The following ARFGEF3 variants were observed in gnomAD, a reference collection of about 807,000 sequenced individuals.
ARFGEF3 encodes the protein ARFGEF family member 3.
A neutral mutation model predicts 221.7 loss-of-function variants in ARFGEF3; 96 were observed. The observed-to-expected ratio is 0.43, with a 90% CI of 0.37 to 0.51. The LOEUF (loss-of-function observed/expected upper bound fraction) is 0.51, where lower values mean the gene tolerates loss of function less well. Among genes scored for constraint, ARFGEF3 ranks in the 20% least tolerant of loss-of-function variants. The pLI is 0.00. For synonymous variants in ARFGEF3, 1,145 were observed against 1,126.8 expected (o/e 1.02, Z -0.32); for missense variants, 2,410 against 2,789.9 (o/e 0.86, Z 3.07).
In ARFGEF3 at chr6:138,201,144, G is replaced by A. The variant is rs562755774; in HGVS notation, c.138-5898G>A. On this transcript the variant is annotated intron_variant, in intron 2 of 33. Coordinates refer to ENST00000251691, the MANE Select transcript of ARFGEF3 (RefSeq NM_020340.5). ...ATACCACCTTACTCCTGCAAGAATG[G>A]CCATAATCAAAAAATTTTAAAAAGT... Among the ~76,000 whole-genome samples the A allele has an allele frequency of 6.6e-5, 10 of 152,252 alleles. No homozygotes were observed. The South Asian group carries it at 2.1e-3, about 32-fold the overall frequency.
At chr6:138,163,925 G>A (rs1776669149) in intron 1 of ARFGEF3, among the ~76,000 whole-genome samples, 1 of 152,240 alleles carries the variant, frequency 6.6e-6, no homozygotes, top group African/African-American at 2.4e-5. Context: ...TGGATTGGGG[G>A]AGAATTGGTG....
chr6:138,171,454 C>A (rs1478938046), intron 2 of ARFGEF3, among the ~76,000 whole-genome samples: 1 of 152,178 alleles, frequency 6.6e-6, no homozygotes, highest in Non-Finnish European at 1.5e-5. Flanking sequence ...GATTGGCAAC[C>A]CTGGCTGGAC....
intron 2 of ARFGEF3, among the ~76,000 whole-genome samples, chr6:138,174,298 T>C (rs1776894413): frequency 1.3e-5 from 2 of 151,926 alleles, no homozygotes; most frequent in South Asian, 4.1e-4. Context: ...CATGTTATCA[T>C]TAGGGAAATG....
chr6:138,295,966 A>C (rs6942278), intron 20 of ARFGEF3, among the ~76,000 whole-genome samples: 18,031 of 152,240 alleles, frequency 0.12, 1,405 homozygotes, highest in South Asian at 0.26. Context: ...GACTTGGGTC[A>C]CATCCCCAGT....
chr6:138,305,888 A>G (rs180759419), intron 22 of ARFGEF3, among the ~76,000 whole-genome samples: 1 of 152,186 alleles, frequency 6.6e-6, no homozygotes, highest in Admixed American at 6.5e-5. Context: ...TGAGAATCCT[A>G]CATCTAACAT....
At chr6:138,296,067 C>T (rs1779512908) in intron 20 of ARFGEF3, among the ~76,000 whole-genome samples, 2 of 152,090 alleles carry the variant, frequency 1.3e-5, no homozygotes, top group South Asian at 4.1e-4. Flanking sequence ...GTGGCAAACC[C>T]CGCCCCCCAT....
intron 15 of ARFGEF3, 117 bp downstream of exon 15, chr6:138,286,170 G>T: frequency 1.4e-6 from 1 of 715,762 alleles, no homozygotes; most frequent in East Asian, 2.8e-5. Flanking sequence ...AAGTAATTGG[G>T]CCGGGCCCGG....
intron 27 of ARFGEF3, among the ~76,000 whole-genome samples, chr6:138,318,697 A>T (rs1280507092): frequency 6.6e-6 from 1 of 152,190 alleles, no homozygotes; most frequent in African/African-American, 2.4e-5. Context: ...TTGTATTCTC[A>T]TGTAATTTCC....
Position 138,255,725 on chromosome 6 carries a change from C to A in ARFGEF3, c.1060C>A (p.Pro354Thr). The change falls in exon 10 of 34, where the codon CCC becomes ACC. Residue 354 changes from proline (P) to threonine (T), a missense_variant. Coordinates refer to ENST00000251691, the MANE Select transcript of ARFGEF3 (RefSeq NM_020340.5). The part of the protein sequence containing the change: ...QSLYHRVLLY[P>T]PPQHRVEAIK... ...CCTCTACCACCGAGTGCTGCTCTAC[C>A]CCCCACCCCAGCACCGGGTGGAAGC... 1 of 1,603,222 alleles carries A rather than the reference C, an allele frequency of 6.2e-7. No individual in the cohort carries two copies. Among genetic ancestry groups the A allele is most frequent in the Non-Finnish European group, 8.5e-7 (1 of 1,172,380 alleles).
intron 4 of ARFGEF3, among the ~76,000 whole-genome samples, chr6:138,228,240 G>T (rs1250465788): frequency 2.3e-5 from 3 of 133,140 alleles, no homozygotes; most frequent in Non-Finnish European, 3.1e-5. Flanking sequence ...GAAACAGTGT[G>T]ATCTCGGTTC....
At chr6:138,335,318 C>T in intron 33 of ARFGEF3, 130 bp downstream of exon 33, 1 of 918,008 alleles carries the variant, frequency 1.1e-6, no homozygotes, top group South Asian at 2.8e-5. Context: ...ACCGATTTCC[C>T]TCCAAAGTCA....
intron 4 of ARFGEF3, among the ~76,000 whole-genome samples, 192 bp from the exon 5 acceptor site, chr6:138,229,592 G>T (rs998960241): frequency 6.6e-6 from 1 of 152,186 alleles, no homozygotes; most frequent in Non-Finnish European, 1.5e-5. Context: ...TTTTTTACAG[G>T]ATGGTCTCTA....
intron 27 of ARFGEF3, among the ~76,000 whole-genome samples, chr6:138,318,944 T>C (rs1779973252): frequency 6.6e-6 from 1 of 152,176 alleles, no homozygotes. Flanking sequence ...GCAAATTTGC[T>C]GACAAAGAAT....
At chr6:138,240,595 G>A (rs983902459) in intron 6 of ARFGEF3, among the ~76,000 whole-genome samples, 2 of 152,100 alleles carry the variant, frequency 1.3e-5, no homozygotes, top group Admixed American at 6.6e-5. Context: ...GCTCATCACG[G>A]ACCATCTGGA....
In ARFGEF3 at chr6:138,263,497, A is replaced by C; in HGVS notation, c.2014A>C (p.Ser672Arg). 6.2e-7 allele frequency: 1 copy of C among 1,613,870 alleles called. No individual in the cohort carries two copies. The highest frequency in any genetic ancestry group is 8.5e-7 in the Non-Finnish European group (1 of 1,179,890). Reference protein sequence around the residue: ...LLKNQEADQHSARLFIQSLEG... With the variant: ...LLKNQEADQHRARLFIQSLEG... ...GAAGAACCAGGAGGCGGATCAGCAC[A>C]GCGCCAGGCTGTTCATACAGTCCCT... The change falls in exon 12 of 34, where the codon AGC becomes CGC. Residue 672 changes from serine to arginine, a missense_variant. By Grantham distance (110) the Ser-to-Arg change is moderately radical. This residue lies in a region of ARFGEF3 where 594 missense variants were observed against 734.3 expected (regional missense o/e 0.81). Coordinates refer to ENST00000251691, the MANE Select transcript of ARFGEF3 (RefSeq NM_020340.5).
chr6:138,263,774 G>A (rs764748198), intron 12 of ARFGEF3, among the ~76,000 whole-genome samples, 163 bp downstream of exon 12: 22 of 152,212 alleles, frequency 1.4e-4, no homozygotes, highest in Non-Finnish European at 2.6e-4. Flanking sequence ...AGACCTATTA[G>A]TGGTGGTTTA....
In ARFGEF3 at chr6:138,324,276, A is replaced by G. The variant is rs866171542; in HGVS notation, c.5001+122A>G. The G allele has an allele frequency of 4.9e-5, 56 of 1,149,504 alleles. No individual in the cohort carries two copies. In the Middle Eastern group the frequency reaches 6.3e-4, roughly 13 times the overall value. The allele number at this position is 1,149,504 out of a possible 1,614,324, so 71.2% of individuals were successfully genotyped here. A position where few individuals can be genotyped will look rare whatever the true frequency, so the allele number is the denominator to read the frequency against. On this transcript the variant is annotated intron_variant, in intron 31 of 33. Coordinates refer to ENST00000251691, the MANE Select transcript of ARFGEF3 (RefSeq NM_020340.5). ...ATTCCCTGAGGGACATACACCTTGT[A>G]GCTCCCAACTCTTGCCACTACCATT...
intron 6 of ARFGEF3, among the ~76,000 whole-genome samples, chr6:138,241,428 C>T (rs1411731460): frequency 6.6e-6 from 1 of 152,166 alleles, no homozygotes; most frequent in Non-Finnish European, 1.5e-5. Flanking sequence ...TGTAACCATT[C>T]GTGTTACTGC....
In ARFGEF3 at chr6:138,292,042, G is replaced by T. The variant is rs754805489; in HGVS notation, c.3357G>T (p.Thr1119=). The T allele has an allele frequency of 6.9e-7, 1 of 1,450,298 alleles. No homozygotes were observed. The highest frequency in any genetic ancestry group is 1.5e-5 in the African/African-American group (1 of 68,194). The allele number at this position is 1,450,298 out of a possible 1,614,324, so 89.8% of individuals were successfully genotyped here. Residue 1119 remains threonine, a synonymous_variant, in exon 19 of 34, where the codon ACG becomes ACT. Transcript: ENST00000251691. The part of the protein sequence containing the change: ...SAAKVVLTLS[T]QADRLFEDAT... Reference sequence around the variant, plus strand: ...CCAAGGTGGTGCTCACCCTCTCCACGCAAGCCGACAGGTGCGCGGCGCCGG... The same window carrying T: ...CCAAGGTGGTGCTCACCCTCTCCACTCAAGCCGACAGGTGCGCGGCGCCGG...
Sources: allele counts gnomAD v4.1 joint callset (sites outside exome capture counted in the v4.1 genomes callset), GRCh38; gene constraint gnomAD v4.1.1; regional missense constraint gnomAD v4.1.1; transcripts MANE v1.5; gene names NCBI Gene and HGNC (gene_info 2026-07-23, HGNC 2026-07-21).